DCLK1: variants seen among roughly 807,000 people sequenced by gnomAD.
DCLK1 encodes serine/threonine-protein kinase DCLK1.
DCLK1 carries 16 observed loss-of-function variants against 86.2 expected under a neutral mutation model. The ratio of observed to expected loss-of-function variants is 0.19; its 90% CI spans 0.13 to 0.28. The LOEUF is 0.28. Ranked by LOEUF, DCLK1 falls within the 10% of genes least tolerant of loss-of-function variation. The pLI is 1.00. For missense variants in DCLK1, 590 were observed against 940.2 expected (o/e 0.63, Z 4.87); for synonymous variants, 369 against 370.5 (o/e 1.00, Z 0.05).
At chr13:35,977,905 G>A (rs531831437) in intron 3 of DCLK1, among the ~76,000 whole-genome samples, 2 of 152,144 alleles carry the variant, frequency 1.3e-5, no homozygotes, top group Non-Finnish European at 2.9e-5. Flanking sequence ...GCCATCATAA[G>A]TTAATAGGAC....
intron 6 of DCLK1, chr13:35,849,317 A>G (rs1870437141): frequency 1.0e-6 from 1 of 985,224 alleles, no homozygotes; most frequent in African/African-American, 1.7e-5. Flanking sequence ...ATTTCTCTCC[A>G]TCTTGAATAA....
chr13:36,013,975 G>A (rs1881417369), intron 3 of DCLK1, among the ~76,000 whole-genome samples: 1 of 152,164 alleles, frequency 6.6e-6, no homozygotes, highest in Non-Finnish European at 1.5e-5. Flanking sequence ...TATTCGCCAG[G>A]TGCGTCCGTC....
chr13:35,822,608 T>G, intron 11 of DCLK1, 121 bp downstream of exon 11: 5 of 1,423,664 alleles, frequency 3.5e-6, no homozygotes, highest in Non-Finnish European at 4.8e-6. Flanking sequence ...TCCTGAAGGC[T>G]AACTGGAAAT....
At chr13:35,959,484 G>A (rs950308475) in intron 3 of DCLK1, among the ~76,000 whole-genome samples, 16 of 152,304 alleles carry the variant, frequency 1.1e-4, no homozygotes, top group African/African-American at 3.8e-4. Context: ...CACTTGTCAT[G>A]CAGGAAAGTA....
rs920890914 is a variant in DCLK1, at chr13:35,827,524, T to A, written c.1407+111A>T. ...AACATTCCTAATCACTGGGCCAATG[T>A]ACAGAAATGAGAACCTGAATACTGA... On this transcript the variant is annotated intron_variant, in intron 10 of 16. Coordinates refer to ENST00000360631, the MANE Select transcript of DCLK1 (RefSeq NM_001330071.2). 61 of 1,314,002 alleles carry A rather than the reference T, an allele frequency of 4.6e-5. No homozygotes were observed. In the African/African-American group the frequency reaches 8.5e-4, roughly 18 times the overall value. The allele number at this position is 1,314,002 out of a possible 1,614,324, so 81.4% of individuals were successfully genotyped here.
intron 3 of DCLK1, among the ~76,000 whole-genome samples, chr13:36,006,857 G>C (rs1880991266): frequency 6.6e-6 from 1 of 152,204 alleles, no homozygotes. Flanking sequence ...GGTGGACTAT[G>C]ATATTACTAT....
chr13:35,888,497 G>A (rs1431587243), intron 4 of DCLK1, among the ~76,000 whole-genome samples: 1 of 151,852 alleles, frequency 6.6e-6, no homozygotes, highest in Non-Finnish European at 1.5e-5. Flanking sequence ...GGGGTCAAAT[G>A]TGGCTTGAAA....
intron 16 of DCLK1, among the ~76,000 whole-genome samples, chr13:35,778,183 C>T (rs1478170158): frequency 9.2e-5 from 14 of 152,184 alleles, no homozygotes; most frequent in East Asian, 1.9e-4. Flanking sequence ...ACCCACCTTC[C>T]GGTCCATTCT....
chr13:36,104,600 T>A lies in DCLK1; in HGVS notation c.723+7269A>T, dbSNP rs562813263. Among the ~76,000 whole-genome samples, 3 of 152,212 alleles carry A rather than the reference T, an allele frequency of 2.0e-5. No homozygotes were observed. The East Asian group carries it at 5.8e-4, about 29-fold the overall frequency. ...CAGTGAGATTACCTTCAATTATCAA[T>A]GTAATCATCAATATAAATATATATA... is the stretch of plus-strand genomic sequence containing the variant. On this transcript the variant is annotated intron_variant, in intron 3 of 16. Coordinates refer to ENST00000360631, the MANE Select transcript of DCLK1 (RefSeq NM_001330071.2).
chr13:36,107,735 C>T (rs769533007), intron 3 of DCLK1, among the ~76,000 whole-genome samples: 6 of 152,138 alleles, frequency 3.9e-5, no homozygotes, highest in Non-Finnish European at 8.8e-5. Flanking sequence ...ACAGATTTAG[C>T]AGCTCAAGAA....
At chr13:35,920,910 C>CAGGG (rs146336432) in intron 4 of DCLK1, among the ~76,000 whole-genome samples, 3,889 of 152,218 alleles carry the variant, frequency 0.026, 72 homozygotes, top group Non-Finnish European at 0.039. Flanking sequence ...TCCCTGCATT[C>CAGGG]AGTAAGTCAC....
intron 6 of DCLK1, among the ~76,000 whole-genome samples, chr13:35,842,769 T>C (rs1424906405): frequency 1.3e-5 from 2 of 152,194 alleles, no homozygotes; most frequent in Non-Finnish European, 2.9e-5. Flanking sequence ...ACGTTAAATG[T>C]CATCTTTATT....
At chr13:36,043,737 C>T (rs1882776313) in intron 3 of DCLK1, among the ~76,000 whole-genome samples, 2 of 152,128 alleles carry the variant, frequency 1.3e-5, no homozygotes, top group Non-Finnish European at 2.9e-5. Context: ...GCAACAAGAC[C>T]TTTGAAATTC....
intron 11 of DCLK1, among the ~76,000 whole-genome samples, chr13:35,820,123 G>A (rs1316515661): frequency 4.6e-5 from 7 of 152,138 alleles, no homozygotes; most frequent in Admixed American, 4.6e-4. Context: ...GGTCTCATGT[G>A]CAATTAGTGA....
chr13:35,870,561 A>C (rs75779086), intron 5 of DCLK1, among the ~76,000 whole-genome samples: 8,221 of 152,288 alleles, frequency 0.054, 741 homozygotes, highest in African/African-American at 0.19. Context: ...TGTGTCATTT[A>C]ATAAATAATT....
At chr13:36,032,234 C>T (rs534671141) in intron 3 of DCLK1, among the ~76,000 whole-genome samples, 26 of 151,834 alleles carry the variant, frequency 1.7e-4, no homozygotes, top group African/African-American at 6.0e-4. Flanking sequence ...CTCTGCCTCC[C>T]GGGTTCAAGC....
At chr13:36,111,339 C>G (rs935154453) in intron 3 of DCLK1, among the ~76,000 whole-genome samples, 1 of 152,076 alleles carries the variant, frequency 6.6e-6, no homozygotes, top group Admixed American at 6.6e-5. Context: ...ATACAAGATG[C>G]GTACTATTCT....
chr13:36,031,033 G>A (rs1882250089), intron 3 of DCLK1, among the ~76,000 whole-genome samples: 1 of 152,160 alleles, frequency 6.6e-6, no homozygotes, highest in South Asian at 2.1e-4. Context: ...CCATGTATAA[G>A]ATGACACAAA....
At chr13:35,808,942 G>T in intron 13 of DCLK1, 76 bp downstream of exon 13, 2 of 1,316,072 alleles carry the variant, frequency 1.5e-6, no homozygotes, top group Non-Finnish European at 2.1e-6. Flanking sequence ...GCTCCTTTGT[G>T]CAAGAAGGGC....
Sources: allele counts gnomAD v4.1 joint callset (sites outside exome capture counted in the v4.1 genomes callset), GRCh38; gene constraint gnomAD v4.1.1; transcripts MANE v1.5; gene names NCBI Gene and HGNC (gene_info 2026-07-23, HGNC 2026-07-21).